The following LAMA5 variants were observed in gnomAD, a reference collection of about 807,000 sequenced individuals.
LAMA5 encodes laminin subunit alpha-5.
In LAMA5, 260 loss-of-function variants were observed where a neutral mutation model predicts 433.4. That is an observed-to-expected ratio of 0.60 (90% CI 0.54 to 0.66). The LOEUF is 0.66. LAMA5 is among the 30% of genes least tolerant of loss of function. The probability of loss-of-function intolerance (pLI) is 0.00; values close to 1 mark genes in which losing one functional copy is unlikely to be tolerated. For synonymous variants in LAMA5, 2,620 were observed against 2,226.6 expected (o/e 1.18, Z -4.97); for missense variants, 5,378 against 5,258.5 (o/e 1.02, Z -0.70).
Position 62,336,747 on chromosome 20 carries a change from G to T in LAMA5, c.2204C>A (p.Pro735His), listed in dbSNP as rs146683443. 4 of 1,612,998 alleles carry T rather than the reference G, an allele frequency of 2.5e-6. No individual in the cohort carries two copies. In the African/African-American group the frequency reaches 5.3e-5, roughly 22 times the overall value. Residue 735 changes from proline (P) to histidine (H), a missense_variant, in exon 17 of 80, where the codon CCT (proline) becomes CAT (histidine). Pro to His is a moderately conservative substitution (Grantham distance 77). Coordinates refer to ENST00000252999, the MANE Select transcript of LAMA5 (RefSeq NM_005560.6). ...CHPAGLAPVDPALPEAQVPCM... is the reference protein window; with the variant it reads ...CHPAGLAPVDHALPEAQVPCM... ...ACTTGGGCTCACCTCAGGAAGGGCA[G>T]GATCCACTGGGGCCAGACCGGCAGG...
At position 62,314,694 on chromosome 20, in the gene LAMA5, G is replaced by A. The variant is rs1345003046; in HGVS notation, c.8228C>T (p.Ser2743Leu). 1 of 1,612,650 alleles carries A rather than the reference G, an allele frequency of 6.2e-7. No homozygotes were observed. Among genetic ancestry groups the A allele is most frequent in the Non-Finnish European group, 8.5e-7 (1 of 1,179,874 alleles). Residue 2743 changes from serine to leucine, a missense_variant, in exon 61 of 80, where the codon TCA becomes TTA. Coordinates refer to ENST00000252999, the MANE Select transcript of LAMA5 (RefSeq NM_005560.6). ...CCGTGGGGTGCGCAGCTGCACCCCT[G>A]AGCGCCCGTTGAACTTCATGGGCAC... ...VKVPMKFNGR[S>L]GVQLRTPRDL...
chr20:62,351,634 G>A, intron 6 of LAMA5, 70 bp downstream of exon 6: 1 of 1,477,322 alleles, frequency 6.8e-7, no homozygotes, highest in Non-Finnish European at 9.3e-7. Flanking sequence ...GTTAGGCAGG[G>A]GTGACAAGGA....
At chr20:62,309,646 A>AGGGGGCAGGGGGGGGAGGGGTGGGG (rs1267405426) in intron 79 of LAMA5, 70 bp downstream of exon 79, 1 of 265,544 alleles carries the variant, frequency 3.8e-6, no homozygotes, top group Non-Finnish European at 5.7e-6. Flanking sequence ...GGGTGGGGGG[A>AGGGGGCAGGGGGGGGAGGGGTGGGG]GGGTGGTAGG....
In LAMA5 at chr20:62,311,216, C is replaced by T. The variant is rs112963711; in HGVS notation, c.10034G>A (p.Gly3345Asp). The change falls in exon 73 of 80, where the codon GGT becomes GAT. Residue 3345 changes from glycine to aspartate, a missense_variant. Gly to Asp is a moderately conservative substitution (Grantham distance 94). Coordinates refer to ENST00000252999, the MANE Select transcript of LAMA5 (RefSeq NM_005560.6). ...RTTRDSYQFGGSLSSHLEFVG... is the reference protein window; with the variant it reads ...RTTRDSYQFGDSLSSHLEFVG... ...AAACTCCAGGTGACTGGACAGGGAA[C>T]CCCCAAACTGGTAGGAGTCTCGGGT... 26 of 1,610,186 alleles carry T rather than the reference C, an allele frequency of 1.6e-5. No individual in the cohort carries two copies. The highest frequency in any genetic ancestry group is 4.4e-5 in the South Asian group (4 of 90,880).
intron 2 of LAMA5, 32 bp downstream of exon 2, chr20:62,362,368 G>A: frequency 1.4e-6 from 2 of 1,453,770 alleles, no homozygotes; most frequent in East Asian, 2.6e-5. Flanking sequence ...ACACAGAGAT[G>A]GGGGCTGCAG....
chr20:62,353,414 C>T, intron 2 of LAMA5, 163 bp from the exon 3 acceptor site: 1 of 554,732 alleles, frequency 1.8e-6, no homozygotes, highest in East Asian at 3.3e-5. Context: ...GCAGACGAAC[C>T]CAGGGGAGAG....
At chr20:62,315,291 C>A in intron 58 of LAMA5, 84 bp from the exon 59 acceptor site, 1 of 1,191,402 alleles carries the variant, frequency 8.4e-7, no homozygotes, top group South Asian at 1.5e-5. Flanking sequence ...GTTGGGCCAG[C>A]AACAGGGACA....
Position 62,353,992 on chromosome 20 carries a change from T to TCAGGGCAGCCCTGCC in LAMA5, c.451-756_451-742dup, listed in dbSNP as rs1984772128. On this transcript the variant is annotated intron_variant, in intron 2 of 79. Transcript: ENST00000252999. The stretch of plus-strand genomic sequence containing the variant: ...TAGCACTGCTGTGGCCCGGTGCACG[T>TCAGGGCAGCCCTGCC]CAGGGCAGCCCTGCCCAGGGCAGAG... Among the ~76,000 whole-genome samples the TCAGGGCAGCCCTGCC allele has an allele frequency of 3.9e-5, 6 of 151,992 alleles. No individual in the cohort carries two copies. In the South Asian group the frequency reaches 1.2e-3, roughly 32 times the overall value.
At chr20:62,354,588 G>A (rs1327275166) in intron 2 of LAMA5, among the ~76,000 whole-genome samples, 1 of 152,164 alleles carries the variant, frequency 6.6e-6, no homozygotes, top group Non-Finnish European at 1.5e-5. Flanking sequence ...CCTAAAAACA[G>A]CCCATGGCCT....
At position 62,309,266 on chromosome 20, in the gene LAMA5, A is replaced by G; in HGVS notation, c.*70T>C. The G allele has an allele frequency of 6.7e-7, 1 of 1,493,172 alleles. No individual in the cohort carries two copies. Among genetic ancestry groups the G allele is most frequent in the Non-Finnish European group, 9.1e-7 (1 of 1,102,060 alleles). The allele number at this position is 1,493,172 out of a possible 1,614,324, so 92.5% of individuals were successfully genotyped here. A position where few individuals can be genotyped will look rare whatever the true frequency, so the allele number is the denominator to read the frequency against. ...GAGCTTAGAGTCCAAATAGACACCTATGAGGCGAGCACAAGGGGCGGTGTG... is the reference window on the plus strand; with the variant it reads ...GAGCTTAGAGTCCAAATAGACACCTGTGAGGCGAGCACAAGGGGCGGTGTG... On this transcript the variant is annotated 3_prime_UTR_variant, in exon 80 of 80. Transcript: ENST00000252999.
At chr20:62,315,361 C>T (rs1986829135) in intron 58 of LAMA5, among the ~76,000 whole-genome samples, 154 bp from the exon 59 acceptor site, 1 of 152,092 alleles carries the variant, frequency 6.6e-6, no homozygotes, top group Admixed American at 6.5e-5. Context: ...CAATCCAAAC[C>T]CATCCTAAAT....
In LAMA5 at chr20:62,325,330, C is replaced by T. The variant is rs745916385; in HGVS notation, c.5515G>A (p.Gly1839Arg). ...ELCLCPASYR[G>R]DSCQECAPGF... ...CCTAACCTCACCTGGCATGAGTCCC[C>T]CCGGTAGCTGGCGGGGCACAGGCAC... The change falls in exon 41 of 80, where the codon GGG becomes AGG. Residue 1839 changes from glycine to arginine, a missense_variant. Transcript: ENST00000252999. 2 of 1,589,432 alleles carry T rather than the reference C, an allele frequency of 1.3e-6. No homozygotes were observed. Among genetic ancestry groups the T allele is most frequent in the African/African-American group, 1.3e-5 (1 of 74,644 alleles).
rs1424717384 is a variant in LAMA5, at chr20:62,325,380, C to T, written c.5465G>A (p.Gly1822Glu). 2 of 1,610,808 alleles carry T rather than the reference C, an allele frequency of 1.2e-6. No homozygotes were observed. Among genetic ancestry groups the T allele is most frequent in the Non-Finnish European group, 1.7e-6 (2 of 1,178,902 alleles). ...ALEVASPAGQ[G>E]ALASNVELCL... ...CAGCTCCACATTGCTGGCCAGGGCC[C>T]CCTGGCCTGCTGGGCTGGCCACCTC... Residue 1822 changes from glycine to glutamate, a missense_variant, in exon 41 of 80, where the codon GGG becomes GAG. Gly to Glu is a moderately conservative substitution (Grantham distance 98, BLOSUM62 -2). Transcript: ENST00000252999.
At chr20:62,336,927 A>G in intron 16 of LAMA5, 141 bp from the exon 17 acceptor site, 3 of 789,012 alleles carry the variant, frequency 3.8e-6, no homozygotes, top group Non-Finnish European at 6.5e-6. Flanking sequence ...GGACGGCCTG[A>G]AAACACGCAC....
In LAMA5 at chr20:62,315,932, C is replaced by A; in HGVS notation, c.7867+16G>T. ...TGGTCGGCCGGCTGCGAGAGCCGGGCCCAGGCTCCGCATACCTGTGTCCAT... is the reference window on the plus strand; with the variant it reads ...TGGTCGGCCGGCTGCGAGAGCCGGGACCAGGCTCCGCATACCTGTGTCCAT... On this transcript the variant is annotated intron_variant, in intron 58 of 79. Coordinates refer to ENST00000252999, the MANE Select transcript of LAMA5 (RefSeq NM_005560.6). 6.4e-7 allele frequency: 1 copy of A among 1,562,328 alleles called. No individual in the cohort carries two copies. The highest frequency in any genetic ancestry group is 2.3e-5 in the East Asian group (1 of 43,492).
Position 62,324,347 on chromosome 20 carries a change from G to A in LAMA5, c.5643+94C>T. 4 of 1,430,152 alleles carry A rather than the reference G, an allele frequency of 2.8e-6. No individual in the cohort carries two copies. Among genetic ancestry groups the A allele is most frequent in the Non-Finnish European group, 2.9e-6 (3 of 1,036,708 alleles). The allele number at this position is 1,430,152 out of a possible 1,614,324, so 88.6% of individuals were successfully genotyped here. On this transcript the variant is annotated intron_variant, in intron 42 of 79. Coordinates refer to ENST00000252999, the MANE Select transcript of LAMA5 (RefSeq NM_005560.6). The surrounding 1 kb of genome is among the most constrained non-coding windows in gnomAD (Gnocchi z 4.4). ...GGGCAACACCCTTCCCCAGACCTCA[G>A]TTGACCTGGAAGTGCAGCCCCTGGT...
chr20:62,347,581 G>A (rs999912441), intron 6 of LAMA5, among the ~76,000 whole-genome samples: 8 of 152,248 alleles, frequency 5.3e-5, no homozygotes, highest in African/African-American at 1.9e-4. Flanking sequence ...AAGTGGCCAA[G>A]AACTGCTTCC....
In LAMA5 at chr20:62,311,794, G is replaced by GGGAGGCC. The variant is rs749354065; in HGVS notation, c.9636-17_9636-11dup. 3 of 1,558,306 alleles carry GGGAGGCC rather than the reference G, an allele frequency of 1.9e-6. No individual in the cohort carries two copies. The highest frequency in any genetic ancestry group is 2.7e-5 in the African/African-American group (2 of 73,818). On this transcript the variant is annotated splice_polypyrimidine_tract_variant and intron_variant, in intron 70 of 79. Transcript: ENST00000252999. ...GACATACAGCCAGACTCTGGGGGGC[G>GGGAGGCC]GGAGGCCGGAGGCTCGGTTTTTCCC...
At chr20:62,325,759 T>C (rs568936286) in intron 40 of LAMA5, among the ~76,000 whole-genome samples, 1 of 152,150 alleles carries the variant, frequency 6.6e-6, no homozygotes, top group African/African-American at 2.4e-5. Flanking sequence ...TCCAGATGCC[T>C]TAAGAATTGA....
Sources: allele counts gnomAD v4.1 joint callset (sites outside exome capture counted in the v4.1 genomes callset), GRCh38; gene constraint gnomAD v4.1.1; non-coding constraint Gnocchi (gnomAD v3.1); transcripts MANE v1.5; gene names NCBI Gene and HGNC (gene_info 2026-07-23, HGNC 2026-07-21).